ARHGAP18: variants seen among roughly 807,000 people sequenced by gnomAD.
ARHGAP18 encodes rho GTPase-activating protein 18.
ARHGAP18 carries 67 observed loss-of-function variants against 86.2 expected under a neutral mutation model. That is an observed-to-expected ratio of 0.78 (90% confidence interval 0.64 to 0.95). The LOEUF is 0.95. ARHGAP18 is among the 40% of genes least tolerant of loss of function. The pLI, the probability that ARHGAP18 is intolerant of heterozygous loss-of-function variation, is 0.00. For synonymous variants in ARHGAP18, 283 were observed against 280.4 expected, an observed-to-expected ratio of 1.01 and a Z score of -0.09; for missense variants, 691 against 780.4, an observed-to-expected ratio of 0.89 and a Z score of 1.37.
rs145221354 is a variant in ARHGAP18 at position 129,677,197 on chromosome 6, C to T, written c.113+32827G>A. Among the ~76,000 whole-genome samples, 511 of 151,928 alleles carry T rather than the reference C, an allele frequency of 3.4e-3. 5 individuals are homozygous for T. The highest frequency in any genetic ancestry group is 0.012 in the African/African-American group (483 of 41,448). On this transcript the variant is annotated intron_variant, in intron 1 of 14. Transcript: ENST00000368149. ...CACGAGGTCAGGAGGATCGAGACCACCCTGGCTAACACGGTGAAACCCCGT... is the reference window on the plus strand; with the variant it reads ...CACGAGGTCAGGAGGATCGAGACCATCCTGGCTAACACGGTGAAACCCCGT...
chr6:129,616,452 T>C, intron 6 of ARHGAP18, 149 bp from the exon 7 acceptor site: 1 of 623,620 alleles, frequency 1.6e-6, no homozygotes. Context: ...CAACATTATA[T>C]ATATGGTGGC....
chr6:129,599,632 G>A (rs79564419), intron 11 of ARHGAP18, among the ~76,000 whole-genome samples: 11,435 of 152,106 alleles, frequency 0.075, 466 homozygotes, highest in Non-Finnish European at 0.091. Context: ...CATAGTGGCC[G>A]TTTTCTATGC....
chr6:129,684,952 C>A (rs1774400956), intron 1 of ARHGAP18, among the ~76,000 whole-genome samples: 1 of 152,156 alleles, frequency 6.6e-6, no homozygotes, highest in African/African-American at 2.4e-5. Context: ...GGAATGGGTA[C>A]TTCCAAAGTA....
intron 1 of ARHGAP18, among the ~76,000 whole-genome samples, chr6:129,666,955 TAC>T (rs531323231): frequency 2.2e-3 from 329 of 152,298 alleles, no homozygotes; most frequent in African/African-American, 7.6e-3. Flanking sequence ...AGATTTTTTA[TAC>T]AGAGGGTCAA....
intron 5 of ARHGAP18, among the ~76,000 whole-genome samples, chr6:129,622,176 A>T (rs1789243246): frequency 6.6e-6 from 1 of 152,138 alleles, no homozygotes; most frequent in Non-Finnish European, 1.5e-5. Context: ...AAACTCAATG[A>T]GGTGGAGGGC....
At chr6:129,683,468 A>C (rs1774363534) in intron 1 of ARHGAP18, among the ~76,000 whole-genome samples, 1 of 152,156 alleles carries the variant, frequency 6.6e-6, no homozygotes, top group South Asian at 2.1e-4. Flanking sequence ...GAAATGAAAA[A>C]CTATATCTAC....
At chr6:129,686,309 T>A (rs1774423263) in intron 1 of ARHGAP18, among the ~76,000 whole-genome samples, 1 of 152,164 alleles carries the variant, frequency 6.6e-6, no homozygotes, top group Non-Finnish European at 1.5e-5. Flanking sequence ...CACTGTCCCC[T>A]ACAGGCTGGG....
intron 8 of ARHGAP18, among the ~76,000 whole-genome samples, chr6:129,609,599 C>A (rs76156563): frequency 0.011 from 1,638 of 151,212 alleles, 49 homozygotes; most frequent in African/African-American, 0.039. Context: ...GGAATTATAT[C>A]TTTGTTAGTG....
chr6:129,583,244 GA>G (rs1162865571), intron 13 of ARHGAP18, among the ~76,000 whole-genome samples: 3 of 152,180 alleles, frequency 2.0e-5, no homozygotes, highest in Admixed American at 2.0e-4. Context: ...AATGAGGCTG[GA>G]GGAGGCATGA....
intron 1 of ARHGAP18, among the ~76,000 whole-genome samples, chr6:129,692,193 T>C (rs1314042487): frequency 6.6e-6 from 1 of 152,254 alleles, no homozygotes; most frequent in Non-Finnish European, 1.5e-5. Context: ...AGCCTGGGCA[T>C]TTCTGTGGAT....
chr6:129,697,323 G>A (rs564724073), intron 1 of ARHGAP18, among the ~76,000 whole-genome samples: 1 of 152,306 alleles, frequency 6.6e-6, no homozygotes, highest in East Asian at 1.9e-4. Context: ...GGTATTTTTA[G>A]CCCCTAAGTT....
chr6:129,611,515 G>C lies in ARHGAP18; in HGVS notation c.1122+18C>G, dbSNP rs754480649. On this transcript the variant is annotated intron_variant, in intron 8 of 14. Transcript: ENST00000368149. Reference sequence around the variant, plus strand: ...AATAAACAATAAAATGTTTACATTAGTAGAACCCAGAGATTACCTTGATTC... The same window carrying C: ...AATAAACAATAAAATGTTTACATTACTAGAACCCAGAGATTACCTTGATTC... 11 of 1,607,900 alleles carry C rather than the reference G, an allele frequency of 6.8e-6. No homozygotes were observed. The highest frequency in any genetic ancestry group is 9.4e-6 in the Non-Finnish European group (11 of 1,174,808).
At chr6:129,701,943 G>A (rs1774717614) in intron 1 of ARHGAP18, among the ~76,000 whole-genome samples, 1 of 152,136 alleles carries the variant, frequency 6.6e-6, no homozygotes, top group South Asian at 2.1e-4. Flanking sequence ...AGAATTGAGA[G>A]TCTCCAAGAG....
intron 9 of ARHGAP18, among the ~76,000 whole-genome samples, chr6:129,606,900 T>C (rs1788865531): frequency 6.6e-6 from 1 of 151,434 alleles, no homozygotes; most frequent in Non-Finnish European, 1.5e-5. Flanking sequence ...TCACTCTGTC[T>C]CCCAGGCTGG....
intron 1 of ARHGAP18, among the ~76,000 whole-genome samples, chr6:129,686,305 C>T (rs1336750082): frequency 2.0e-5 from 3 of 152,196 alleles, no homozygotes; most frequent in Non-Finnish European, 4.4e-5. Flanking sequence ...TTTGCACTGT[C>T]CCCTACAGGC....
intron 1 of ARHGAP18, among the ~76,000 whole-genome samples, chr6:129,645,514 T>G (rs1288934131): frequency 6.6e-6 from 1 of 152,158 alleles, no homozygotes; most frequent in African/African-American, 2.4e-5. Flanking sequence ...CAGTGACCCC[T>G]CCCTGACTTT....
At chr6:129,633,581 C>T (rs1773263660) in intron 4 of ARHGAP18, among the ~76,000 whole-genome samples, 1 of 151,972 alleles carries the variant, frequency 6.6e-6, no homozygotes, top group African/African-American at 2.4e-5. Context: ...AGTTTTCCTA[C>T]AATATCTAAA....
chr6:129,687,409 G>T (rs1774448893), intron 1 of ARHGAP18, among the ~76,000 whole-genome samples: 1 of 152,170 alleles, frequency 6.6e-6, no homozygotes. Context: ...TTTCCTGCCT[G>T]TCTGGGGCTG....
intron 11 of ARHGAP18, among the ~76,000 whole-genome samples, chr6:129,599,631 C>T (rs901067766): frequency 1.3e-5 from 2 of 152,120 alleles, no homozygotes; most frequent in East Asian, 1.9e-4. Context: ...ACATAGTGGC[C>T]GTTTTCTATG....
Sources: allele counts gnomAD v4.1 joint callset (sites outside exome capture counted in the v4.1 genomes callset), GRCh38; gene constraint gnomAD v4.1.1; transcripts MANE v1.5; gene names NCBI Gene and HGNC (gene_info 2026-07-23, HGNC 2026-07-21).